THSD7A: variants seen among roughly 807,000 people sequenced by gnomAD.
THSD7A encodes thrombospondin type 1 domain containing 7A.
Under a neutral mutation model 231.3 loss-of-function variants are expected in THSD7A, and 96 were observed. The observed-to-expected ratio is 0.41, with a 90% CI of 0.35 to 0.49. The LOEUF is 0.49. Ranked by LOEUF, THSD7A falls within the 20% of genes least tolerant of loss-of-function variation. The pLI is 0.05. For synonymous variants in THSD7A, 940 were observed against 743.3 expected (o/e 1.26, Z -4.30); for missense variants, 2,290 against 2,070.2 (o/e 1.11, Z -2.06).
At chr7:11,577,430 C>T (rs977236624) in intron 4 of THSD7A, among the ~76,000 whole-genome samples, 1 of 152,102 alleles carries the variant, frequency 6.6e-6, no homozygotes, top group African/African-American at 2.4e-5. Context: ...AATTCTTGTG[C>T]CTCAGTCTCC....
intron 13 of THSD7A, among the ~76,000 whole-genome samples, chr7:11,432,372 G>C (rs7808628): frequency 0.1 from 15,462 of 152,026 alleles, 1,178 homozygotes; most frequent in African/African-American, 0.22. Flanking sequence ...TCGTATTGTA[G>C]TCTTCATATG....
intron 6 of THSD7A, among the ~76,000 whole-genome samples, chr7:11,495,428 G>A (rs543567955): frequency 2.0e-5 from 3 of 152,186 alleles, no homozygotes; most frequent in South Asian, 4.1e-4. Context: ...ATACGTGAAT[G>A]CTTTTGCCAA....
chr7:11,810,126 G>A (rs1255638469), intron 1 of THSD7A, among the ~76,000 whole-genome samples: 1 of 152,170 alleles, frequency 6.6e-6, no homozygotes, highest in Non-Finnish European at 1.5e-5. Flanking sequence ...CATACAGCTG[G>A]CAGATTTAGA....
chr7:11,828,597 T>A (rs1040625333), intron 1 of THSD7A, among the ~76,000 whole-genome samples: 7 of 152,222 alleles, frequency 4.6e-5, no homozygotes, highest in South Asian at 4.1e-4. Context: ...AGAATTTTTT[T>A]AAAAAAGTTA....
intron 1 of THSD7A, among the ~76,000 whole-genome samples, chr7:11,711,244 C>T (rs907327367): frequency 2.0e-5 from 3 of 150,678 alleles, no homozygotes; most frequent in Non-Finnish European, 4.5e-5. Flanking sequence ...AGGTTTTGTC[C>T]TTTATTATAT....
At chr7:11,769,139 A>ATTTTTTT (rs1562541243) in intron 1 of THSD7A, among the ~76,000 whole-genome samples, 1 of 36,738 alleles carries the variant, frequency 2.7e-5, no homozygotes, top group Non-Finnish European at 6.3e-5. Context: ...ATATATATAT[A>ATTTTTTT]TATATATATA....
chr7:11,376,000 C>T (rs1245258612), intron 27 of THSD7A, 122 bp from the exon 28 acceptor site: 25 of 805,698 alleles, frequency 3.1e-5, no homozygotes, highest in Non-Finnish European at 4.5e-5. Flanking sequence ...GCCTGCGTTG[C>T]CTAAAGTCTA....
At chr7:11,753,350 C>T (rs910039626) in intron 1 of THSD7A, among the ~76,000 whole-genome samples, 37 of 152,096 alleles carry the variant, frequency 2.4e-4, no homozygotes, top group Middle Eastern at 3.4e-3. Flanking sequence ...TGTAATAACT[C>T]GCTGGTATGC....
intron 1 of THSD7A, among the ~76,000 whole-genome samples, chr7:11,695,661 T>C (rs1752224402): frequency 6.6e-6 from 1 of 151,434 alleles, no homozygotes. Context: ...TGACAGATAA[T>C]ATGGAAAACT....
chr7:11,429,535 G>A (rs1319377679), intron 13 of THSD7A, among the ~76,000 whole-genome samples: 1 of 152,144 alleles, frequency 6.6e-6, no homozygotes, highest in Non-Finnish European at 1.5e-5. Flanking sequence ...TCCATGCAAC[G>A]TTCTTTCTTA....
chr7:11,726,042 A>G (rs894144789), intron 1 of THSD7A, among the ~76,000 whole-genome samples: 4 of 152,010 alleles, frequency 2.6e-5, no homozygotes, highest in African/African-American at 9.7e-5. Flanking sequence ...GTTTTATCAC[A>G]TTTTAACTAT....
chr7:11,400,514 A>G (rs1445458211), intron 23 of THSD7A, among the ~76,000 whole-genome samples: 2 of 150,916 alleles, frequency 1.3e-5, no homozygotes, highest in African/African-American at 4.8e-5. Context: ...TCATTGTTCT[A>G]TTGATTCCTA....
At chr7:11,453,708 A>T (rs140337829) in intron 11 of THSD7A, among the ~76,000 whole-genome samples, 158 of 152,144 alleles carry the variant, frequency 1.0e-3, no homozygotes, top group African/African-American at 3.6e-3. Context: ...CATTTATGTG[A>T]TATGTCTACC....
chr7:11,430,303 A>G (rs567631528), intron 13 of THSD7A, among the ~76,000 whole-genome samples: 1 of 152,252 alleles, frequency 6.6e-6, no homozygotes, highest in East Asian at 1.9e-4. Flanking sequence ...ATCTAATTTT[A>G]GAACATTTGT....
intron 1 of THSD7A, among the ~76,000 whole-genome samples, chr7:11,759,859 A>G (rs2128167695): frequency 6.6e-6 from 1 of 152,238 alleles, no homozygotes; most frequent in South Asian, 2.1e-4. Flanking sequence ...ATTCTCATTA[A>G]TAGAACTCCT....
rs775913875 is a variant in THSD7A, at chr7:11,543,082, G to C, written c.1489C>G (p.Pro497Ala). 2 of 1,613,098 alleles carry C rather than the reference G, an allele frequency of 1.2e-6. No individual in the cohort carries two copies. The highest frequency in any genetic ancestry group is 1.1e-5 in the South Asian group (1 of 90,790). ...CACAGCTGTGTAGTATTAGGGATAG[G>C]TCCAGTGCATAATTTTAAGTCCATT... ...KPMDLKLCTG[P>A]IPNTTQLCHI... The change falls in exon 5 of 28, where the codon CCT (proline) becomes GCT (alanine). Residue 497 changes from proline to alanine, a missense_variant. By Grantham distance (27) the Pro-to-Ala change is conservative. Coordinates refer to ENST00000423059, the MANE Select transcript of THSD7A (RefSeq NM_015204.3).
rs1163227149 is a variant in THSD7A, at chr7:11,769,150, TATA to T, written c.190+62604_190+62606del. ...ATATATATATATATATATATATATA[TATA>T]TTTTTTTTTTTTTTTGGTATTTTTG... On this transcript the variant is annotated intron_variant, in intron 1 of 27. Transcript: ENST00000423059. Among the ~76,000 whole-genome samples, 60 of 65,534 alleles carry T rather than the reference TATA, an allele frequency of 9.2e-4. 2 individuals carry two copies. The highest frequency in any genetic ancestry group is 6.8e-3 in the East Asian group (16 of 2,366). 43.0% of individuals were successfully genotyped at this position (65,534 alleles called of 152,430 possible).
At chr7:11,467,593 T>A (rs1785762748) in intron 9 of THSD7A, among the ~76,000 whole-genome samples, 1 of 152,180 alleles carries the variant, frequency 6.6e-6, no homozygotes, top group Non-Finnish European at 1.5e-5. Flanking sequence ...AAGAAGTTTT[T>A]AAAAGTGCTT....
At chr7:11,438,037 T>C (rs1047366113) in intron 13 of THSD7A, among the ~76,000 whole-genome samples, 2 of 152,010 alleles carry the variant, frequency 1.3e-5, no homozygotes, top group Admixed American at 1.3e-4. Context: ...GATGATTCTT[T>C]CCTGTTCCTA....
Sources: allele counts gnomAD v4.1 joint callset (sites outside exome capture counted in the v4.1 genomes callset), GRCh38; gene constraint gnomAD v4.1.1; transcripts MANE v1.5; gene names NCBI Gene and HGNC (gene_info 2026-07-23, HGNC 2026-07-21).